The following SPARCL1 variants were observed in gnomAD, a reference collection of about 807,000 sequenced individuals.
SPARCL1 encodes the protein SPARC like 1.
SPARCL1 carries 52 observed loss-of-function variants against 67.1 expected under a neutral mutation model. That is an observed-to-expected ratio of 0.78 (90% CI 0.62 to 0.98). SPARCL1 has a LOEUF of 0.98. Ranked by LOEUF, SPARCL1 falls within the 50% of genes least tolerant of loss-of-function variation. The pLI is 0.00. For synonymous variants in SPARCL1, 226 were observed against 267.8 expected (o/e 0.84, Z 1.52); for missense variants, 717 against 782.4 (o/e 0.92, Z 1.00).
chr4:87,514,294 C>A (rs1003003132), intron 1 of SPARCL1, among the ~76,000 whole-genome samples: 2 of 152,202 alleles, frequency 1.3e-5, no homozygotes, highest in Non-Finnish European at 2.9e-5. Flanking sequence ...TGCTGAGAAT[C>A]CTGGCGTAGC....
chr4:87,495,170 G>C (rs1354068291), intron 2 of SPARCL1, 43 bp from the exon 3 acceptor site: 1 of 1,552,340 alleles, frequency 6.4e-7, no homozygotes, highest in African/African-American at 1.4e-5. Flanking sequence ...ATGTCTGGAT[G>C]CTAATTTACA....
chr4:87,493,423 T>A (rs1724436399), intron 4 of SPARCL1, among the ~76,000 whole-genome samples, 159 bp downstream of exon 4: 1 of 152,234 alleles, frequency 6.6e-6, no homozygotes, highest in Non-Finnish European at 1.5e-5. Context: ...ATTCTCAGCC[T>A]AATGATAGAG....
At chr4:87,477,650 G>A (rs1723634307) in intron 10 of SPARCL1, among the ~76,000 whole-genome samples, 1 of 152,298 alleles carries the variant, frequency 6.6e-6, no homozygotes, top group East Asian at 1.9e-4. Flanking sequence ...GATACTGAAG[G>A]CTCCTGCAAA....
In SPARCL1 at chr4:87,473,524, T is replaced by C. The variant is rs964933035; in HGVS notation, c.*251A>G. 2.9e-6 allele frequency: 1 copy of C among 341,468 alleles called. No homozygotes were observed. Among genetic ancestry groups the C allele is most frequent in the African/African-American group, 2.1e-5 (1 of 47,344 alleles). The allele number at this position is 341,468 out of a possible 1,614,324, so 21.2% of individuals were successfully genotyped here. Reference sequence around the variant, plus strand: ...GTCAATGCAGAGAGTGAAATTACTATGAATTAAACTTCTGTTCACAATGTA... The same window carrying C: ...GTCAATGCAGAGAGTGAAATTACTACGAATTAAACTTCTGTTCACAATGTA... On this transcript the variant is annotated 3_prime_UTR_variant, in exon 11 of 11. Transcript: ENST00000282470.
chr4:87,517,536 C>T (rs549977915), intron 1 of SPARCL1, among the ~76,000 whole-genome samples: 40 of 152,170 alleles, frequency 2.6e-4, no homozygotes, highest in African/African-American at 9.4e-4. Context: ...GCCTTTAACT[C>T]TTCTCCCTAC....
rs1346313703 is a variant in SPARCL1, at chr4:87,479,421, T to G, written c.1966+9A>C. The G allele has an allele frequency of 6.2e-7, 1 of 1,612,216 alleles. No individual in the cohort carries two copies. The highest frequency in any genetic ancestry group is 1.9e-4 in the Middle Eastern group (1 of 5,292). The stretch of plus-strand genomic sequence containing the variant: ...GACATCCCTCTTCTTTGGCTGGTGA[T>G]GAATTTACCTTCTTTAATTCCAAAG... On this transcript the variant is annotated intron_variant, in intron 10 of 10. Transcript: ENST00000282470.
intron 1 of SPARCL1, among the ~76,000 whole-genome samples, chr4:87,516,497 A>C (rs1259570065): frequency 6.6e-6 from 1 of 152,216 alleles, no homozygotes; most frequent in Non-Finnish European, 1.5e-5. Flanking sequence ...TCAATGGCAT[A>C]TACATTCCTG....
chr4:87,503,894 G>T (rs189627470), intron 1 of SPARCL1, among the ~76,000 whole-genome samples: 1 of 151,898 alleles, frequency 6.6e-6, no homozygotes, highest in Admixed American at 6.6e-5. Context: ...TGCCCAGGCT[G>T]GTCTCGAACT....
intron 1 of SPARCL1, among the ~76,000 whole-genome samples, chr4:87,501,835 A>G (rs566426356): frequency 6.6e-6 from 1 of 152,182 alleles, no homozygotes; most frequent in South Asian, 2.1e-4. Context: ...TTTTCTTTCT[A>G]GAATTTATAT....
chr4:87,480,522 T>A lies in SPARCL1; in HGVS notation c.1669-2A>T. On this transcript the variant is annotated splice_acceptor_variant, in intron 8 of 10. Coordinates refer to ENST00000282470, the MANE Select transcript of SPARCL1 (RefSeq NM_004684.6). LOFTEE classifies it high-confidence loss of function. ...TTCATCCAGGTAAATTTTCTTGACC[T>A]GGGATTAGGAAGGCAGAAGACTGTC... 6.2e-7 allele frequency: 1 copy of A among 1,605,658 alleles called. No individual in the cohort carries two copies. The highest frequency in any genetic ancestry group is 8.5e-7 in the Non-Finnish European group (1 of 1,176,936).
intron 1 of SPARCL1, among the ~76,000 whole-genome samples, chr4:87,520,225 T>A (rs1260578165): frequency 8.3e-6 from 1 of 120,732 alleles, no homozygotes; most frequent in Non-Finnish European, 1.6e-5. Context: ...CTAGCCTGGG[T>A]GACAGAGCCA....
intron 1 of SPARCL1, among the ~76,000 whole-genome samples, chr4:87,507,450 A>C (rs6811440): frequency 0.45 from 67,962 of 151,762 alleles, 15,848 homozygotes; most frequent in East Asian, 0.75. Flanking sequence ...TTGCATCACT[A>C]ATCCATTTTT....
Position 87,527,964 on chromosome 4 carries a change from T to TA in SPARCL1, c.-12+1080dup, listed in dbSNP as rs543336317. 2.2e-3 allele frequency among the ~76,000 whole-genome samples: 313 copies of TA among 142,202 alleles called. 1 individual carries two copies. Among genetic ancestry groups the TA allele is most frequent in the African/African-American group, 6.9e-3 (269 of 39,072 alleles). 93.3% of individuals were successfully genotyped at this position (142,202 alleles called of 152,430 possible). On this transcript the variant is annotated intron_variant, in intron 1 of 10. Transcript: ENST00000282470. ...CTGGTGTCTACGAGAAAGGGGAGAATAAAAAAAAAAAAGATTTCTGCTGAC... is the reference window on the plus strand; with the variant it reads ...CTGGTGTCTACGAGAAAGGGGAGAATAAAAAAAAAAAAAGATTTCTGCTGAC...
intron 1 of SPARCL1, among the ~76,000 whole-genome samples, chr4:87,511,967 C>CTTTTTTTTTTTTT (rs3037337): frequency 4.9e-5 from 6 of 121,566 alleles, no homozygotes; most frequent in Non-Finnish European, 3.3e-5. Flanking sequence ...CTTTCTTTCT[C>CTTTTTTTTTTTTT]TTTTTTTTTT....
rs1458510658 is a variant in SPARCL1 at position 87,480,417 on chromosome 4, G to A, written c.1772C>T (p.Pro591Leu). The part of the protein sequence containing the change: ...FKKNYHMYVY[P>L]VHWQFSELDQ... Reference sequence around the variant, plus strand: ...AAGTTCACTAAACTGCCAGTGCACAGGATACACATACATGTGGTAGTTTTT... The same window carrying A: ...AAGTTCACTAAACTGCCAGTGCACAAGATACACATACATGTGGTAGTTTTT... The change falls in exon 9 of 11, where the codon CCT (proline) becomes CTT (leucine). Residue 591 changes from proline to leucine, a missense_variant. Transcript: ENST00000282470. 3.7e-6 allele frequency: 6 copies of A among 1,612,836 alleles called. No individual in the cohort carries two copies. The highest frequency in any genetic ancestry group is 5.1e-6 in the Non-Finnish European group (6 of 1,179,444).
chr4:87,491,568 C>G, intron 5 of SPARCL1, 50 bp downstream of exon 5: 2 of 1,439,042 alleles, frequency 1.4e-6, no homozygotes, highest in Non-Finnish European at 2.0e-6. Flanking sequence ...GTGGCAGATT[C>G]CATTTCTTCC....
At chr4:87,525,919 G>C (rs548007000) in intron 1 of SPARCL1, among the ~76,000 whole-genome samples, 5 of 151,084 alleles carry the variant, frequency 3.3e-5, no homozygotes, top group African/African-American at 1.2e-4. Context: ...ATAGGGGAGA[G>C]GTTTACAAAA....
At chr4:87,499,098 G>A (rs922362448) in intron 2 of SPARCL1, among the ~76,000 whole-genome samples, 26 of 151,964 alleles carry the variant, frequency 1.7e-4, no homozygotes, top group African/African-American at 5.1e-4. Context: ...CTGGTCTTGA[G>A]CTCCTGACCT....
Position 87,499,503 on chromosome 4 carries a change from A to G in SPARCL1, c.54+18T>C, listed in dbSNP as rs1578105372. 6.3e-7 allele frequency: 1 copy of G among 1,597,714 alleles called. No homozygotes were observed. Among genetic ancestry groups the G allele is most frequent in the Non-Finnish European group, 8.5e-7 (1 of 1,170,960 alleles). On this transcript the variant is annotated intron_variant, in intron 2 of 10. Transcript: ENST00000282470. ...TGTCAGGAGAAAGAGATGTAATAACAGAAGAAAGGAAATTTACCGGGATTG... is the reference window on the plus strand; with the variant it reads ...TGTCAGGAGAAAGAGATGTAATAACGGAAGAAAGGAAATTTACCGGGATTG...
Sources: allele counts gnomAD v4.1 joint callset (sites outside exome capture counted in the v4.1 genomes callset), GRCh38; gene constraint gnomAD v4.1.1; transcripts MANE v1.5; gene names NCBI Gene and HGNC (gene_info 2026-07-23, HGNC 2026-07-21).